Variants in CNOT1 observed in about 807,000 individuals in gnomAD.
CNOT1 encodes CCR4-NOT transcription complex subunit 1.
Under a neutral mutation model 273.8 loss-of-function variants are expected in CNOT1, and 15 were observed. The observed-to-expected ratio is 0.05, with a 90% CI of 0.04 to 0.08. CNOT1 has a LOEUF of 0.08. Among genes scored for constraint, CNOT1 ranks in the 10% least tolerant of loss-of-function variants. The pLI, the probability that CNOT1 is intolerant of heterozygous loss-of-function variation, is 1.00. For synonymous variants in CNOT1, 1,022 were observed against 1,005.5 expected (o/e 1.02, Z -0.31); for missense variants, 1,644 against 2,912.2 (o/e 0.56, Z 10.02).
At chr16:58,560,536 G>A (rs1015878550) in intron 16 of CNOT1, among the ~76,000 whole-genome samples, 174 bp from the exon 17 acceptor site, 1 of 151,818 alleles carries the variant, frequency 6.6e-6, no homozygotes, top group African/African-American at 2.4e-5. Context: ...GGGTTCAAGC[G>A]ATTCTTCTGC....
chr16:58,561,490 G>A (rs2040838497), intron 16 of CNOT1, among the ~76,000 whole-genome samples: 1 of 152,076 alleles, frequency 6.6e-6, no homozygotes, highest in Admixed American at 6.6e-5. Context: ...AAAACACCAT[G>A]CATAGTAATT....
At chr16:58,537,403 A>C (rs1567392129) in intron 38 of CNOT1, among the ~76,000 whole-genome samples, 183 bp from the exon 39 acceptor site, 1 of 152,214 alleles carries the variant, frequency 6.6e-6, no homozygotes, top group Non-Finnish European at 1.5e-5. Context: ...AGCATACAAC[A>C]CACAAACAAC....
At position 58,547,253 on chromosome 16, in the gene CNOT1, C is replaced by A; in HGVS notation, c.3683G>T (p.Gly1228Val). The A allele has an allele frequency of 8.1e-6, 13 of 1,613,894 alleles. No individual in the cohort carries two copies. Among genetic ancestry groups the A allele is most frequent in the Non-Finnish European group, 1.1e-5 (13 of 1,179,874 alleles). ...KSLLLEAYVK[G>V]QQELLYVVPF... is the part of the protein sequence containing the mutation. ...CACTACATAGAGCAATTCTTGTTGT[C>A]CTTTAACATAAGCCTCTAGCAGCAA... The change falls in exon 27 of 49, where the codon GGA becomes GTA. Residue 1228 changes from glycine (G) to valine (V), a missense_variant. Physicochemically the swap from Gly to Val is moderately radical, Grantham distance 109. Transcript: ENST00000317147. The surrounding 1 kb of genome is among the most constrained non-coding windows in gnomAD (Gnocchi z 4.0).
intron 33 of CNOT1, 44 bp from the exon 34 acceptor site, chr16:58,541,664 CAAAAT>C (rs780111576): frequency 6.3e-7 from 1 of 1,598,230 alleles, no homozygotes; most frequent in Admixed American, 1.7e-5. Context: ...ACTCAATAAT[CAAAAT>C]AAACTGTTTT....
intron 34 of CNOT1, 30 bp from the exon 35 acceptor site, chr16:58,539,989 A>G (rs750165208): frequency 1.3e-5 from 21 of 1,581,200 alleles, no homozygotes; most frequent in African/African-American, 4.1e-5. Context: ...AACCAACAAG[A>G]GACAAAAGAA....
intron 1 of CNOT1, among the ~76,000 whole-genome samples, chr16:58,603,422 TG>T (rs1315828762): frequency 2.3e-4 from 19 of 84,238 alleles, no homozygotes; most frequent in African/African-American, 1.2e-3. Context: ...TGTGTGTGTG[TG>T]TGTGTGTGTG....
At chr16:58,551,895 G>A in intron 22 of CNOT1, 76 bp from the exon 23 acceptor site, 1 of 1,564,612 alleles carries the variant, frequency 6.4e-7, no homozygotes, top group Non-Finnish European at 8.7e-7. Flanking sequence ...TTTCTGAGAG[G>A]GTAAAAAACA....
chr16:58,528,740 A>G (rs2039680279), intron 43 of CNOT1, 92 bp from the exon 44 acceptor site: 2 of 766,518 alleles, frequency 2.6e-6, no homozygotes, highest in Non-Finnish European at 2.1e-6. Flanking sequence ...CCCCCTCAAA[A>G]GAATGAAGTA....
chr16:58,541,356 C>A (rs2040091340), intron 34 of CNOT1, 145 bp downstream of exon 34: 1 of 1,310,476 alleles, frequency 7.6e-7, no homozygotes, highest in Non-Finnish European at 1.0e-6. Flanking sequence ...TAATTGGACA[C>A]AAAGAATACC....
intron 1 of CNOT1, among the ~76,000 whole-genome samples, chr16:58,610,305 G>C (rs2042850025): frequency 3.3e-5 from 5 of 152,166 alleles, no homozygotes. Flanking sequence ...TGTAATCCCA[G>C]CTACTCAGAG....
At chr16:58,541,143 T>C (rs1244340491) in intron 34 of CNOT1, among the ~76,000 whole-genome samples, 1 of 152,088 alleles carries the variant, frequency 6.6e-6, no homozygotes, top group Non-Finnish European at 1.5e-5. Context: ...AGGTGGAGGT[T>C]GCAATGAGCT....
intron 32 of CNOT1, 43 bp from the exon 33 acceptor site, chr16:58,542,378 T>C (rs372391023): frequency 2.2e-5 from 35 of 1,612,870 alleles, no homozygotes; most frequent in Non-Finnish European, 2.9e-5. Flanking sequence ...TATAAGGCAC[T>C]TCCCTAAATT....
intron 16 of CNOT1, among the ~76,000 whole-genome samples, chr16:58,571,424 G>A (rs1320401633): frequency 1.3e-5 from 2 of 151,972 alleles, no homozygotes; most frequent in Admixed American, 6.6e-5. Flanking sequence ...GCTGGAAATG[G>A]TGGCGCACGC....
At chr16:58,611,226 C>A (rs1312665680) in intron 1 of CNOT1, among the ~76,000 whole-genome samples, 1 of 150,944 alleles carries the variant, frequency 6.6e-6, no homozygotes, top group East Asian at 2.0e-4. Flanking sequence ...CTCAGGAGTT[C>A]AAGACCAGCC....
intron 36 of CNOT1, 138 bp downstream of exon 36, chr16:58,538,634 C>T: frequency 7.7e-7 from 1 of 1,297,980 alleles, no homozygotes; most frequent in Non-Finnish European, 1.0e-6. Context: ...TAACAATTCT[C>T]ACCTCTCAGA....
intron 1 of CNOT1, among the ~76,000 whole-genome samples, chr16:58,609,831 T>A (rs1004027099): frequency 6.0e-5 from 9 of 150,798 alleles, no homozygotes; most frequent in African/African-American, 2.2e-4. Context: ...CCTTCTGGGA[T>A]CACTTAGGGT....
intron 1 of CNOT1, among the ~76,000 whole-genome samples, chr16:58,606,298 T>TA (rs904910955): frequency 1.3e-5 from 2 of 152,002 alleles, no homozygotes; most frequent in Non-Finnish European, 2.9e-5. Flanking sequence ...CACACACTGG[T>TA]AGTCCCTGCT....
In CNOT1 at chr16:58,615,452, TTC is replaced by T. The variant is rs1361494708; in HGVS notation, c.-175+14274_-175+14275del. On this transcript the variant is annotated intron_variant, in intron 1 of 48. Coordinates refer to ENST00000317147, the MANE Select transcript of CNOT1 (RefSeq NM_016284.5). ...CTAGCTCACAAAACCTCACTCATGA[TTC>T]TCTGTTTTTGACTATCTGCCCGATG... 3.2e-5 allele frequency among the ~76,000 whole-genome samples: 4 copies of T among 125,054 alleles called. 1 individual carries two copies. Among genetic ancestry groups the T allele is most frequent in the Non-Finnish European group, 7.6e-5 (4 of 52,542 alleles). 82.0% of individuals were successfully genotyped at this position (125,054 alleles called of 152,430 possible). A position where few individuals can be genotyped will look rare whatever the true frequency, so the allele number is the denominator to read the frequency against.
At chr16:58,591,998 G>A (rs567329440) in intron 2 of CNOT1, among the ~76,000 whole-genome samples, 49 of 151,298 alleles carry the variant, frequency 3.2e-4, no homozygotes, top group African/African-American at 1.1e-3. Context: ...GCCATAAATC[G>A]AAACATTATA....
Sources: gnomAD v4.1 joint callset for allele counts (sites outside exome capture counted in the v4.1 genomes callset) on GRCh38, gnomAD v4.1.1 for gene constraint, Gnocchi (gnomAD v3.1) non-coding constraint, MANE v1.5 for transcripts, NCBI Gene and HGNC (gene_info 2026-07-23, HGNC 2026-07-21) for gene names.